Variants in VWA8 observed in about 807,000 individuals in gnomAD.
VWA8 encodes the protein von Willebrand factor A domain containing 8.
In VWA8, 221 loss-of-function variants were observed where a neutral mutation model predicts 241.5. That is an observed-to-expected ratio of 0.91 (90% confidence interval 0.82 to 1.02). The LOEUF (loss-of-function observed/expected upper bound fraction) is 1.02. Among genes scored for constraint, VWA8 ranks in the 50% least tolerant of loss-of-function variants. The pLI, the probability that VWA8 is intolerant of heterozygous loss-of-function variation, is 0.00. For missense variants in VWA8, 2,322 were observed against 2,328.7 expected (o/e 1.00, Z 0.06); for synonymous variants, 852 against 827.1 (o/e 1.03, Z -0.52).
intron 14 of VWA8, among the ~76,000 whole-genome samples, chr13:41,822,064 T>C (rs930641639): frequency 2.5e-4 from 38 of 152,144 alleles, no homozygotes; most frequent in African/African-American, 8.9e-4. Flanking sequence ...GGATTATAGA[T>C]AGATTCATTA....
At chr13:41,871,991 T>C (rs200395966) in intron 9 of VWA8, among the ~76,000 whole-genome samples, 28,790 of 152,034 alleles carry the variant, frequency 0.19, 3,486 homozygotes, top group East Asian at 0.37. Flanking sequence ...TTTTAATGAT[T>C]GCCATTCTAA....
At chr13:41,606,982 T>C (rs1403390363) in intron 39 of VWA8, among the ~76,000 whole-genome samples, 2 of 152,210 alleles carry the variant, frequency 1.3e-5, no homozygotes, top group African/African-American at 4.8e-5. Flanking sequence ...TGCCCTCTGT[T>C]ATGGTGTTTT....
intron 26 of VWA8, among the ~76,000 whole-genome samples, chr13:41,711,351 C>A (rs1280982599): frequency 6.6e-6 from 1 of 152,124 alleles, no homozygotes; most frequent in East Asian, 1.9e-4. Flanking sequence ...TCTGTTTGAA[C>A]CCAATCTACA....
intron 37 of VWA8, among the ~76,000 whole-genome samples, chr13:41,637,572 G>T (rs1050640880): frequency 9.9e-5 from 15 of 150,970 alleles, no homozygotes; most frequent in Non-Finnish European, 1.6e-4. Flanking sequence ...ATAAAAAAAA[G>T]AAATAAAAAA....
At chr13:41,768,292 G>A (rs901693860) in intron 20 of VWA8, among the ~76,000 whole-genome samples, 3 of 152,054 alleles carry the variant, frequency 2.0e-5, no homozygotes, top group African/African-American at 4.8e-5. Flanking sequence ...TATTTCTGAG[G>A]GTGCACAGTA....
At chr13:41,844,195 T>C (rs1031042695) in intron 12 of VWA8, among the ~76,000 whole-genome samples, 1 of 152,124 alleles carries the variant, frequency 6.6e-6, no homozygotes, top group African/African-American at 2.4e-5. Flanking sequence ...TGCAAATCAA[T>C]AAATATGATC....
At chr13:41,731,996 A>G in intron 22 of VWA8, 84 bp downstream of exon 22, 1 of 1,175,994 alleles carries the variant, frequency 8.5e-7, no homozygotes, top group Non-Finnish European at 1.2e-6. Flanking sequence ...TACGTAATCC[A>G]TGAGAGTTCC....
At chr13:41,932,563 C>T (rs996313656) in intron 2 of VWA8, among the ~76,000 whole-genome samples, 2 of 151,926 alleles carry the variant, frequency 1.3e-5, no homozygotes, top group African/African-American at 4.8e-5. Flanking sequence ...ACAAAATGTT[C>T]ACACACTGAG....
chr13:41,881,416 G>T (rs1027240865), intron 9 of VWA8, among the ~76,000 whole-genome samples: 7 of 99,120 alleles, frequency 7.1e-5, no homozygotes, highest in Non-Finnish European at 1.1e-4. Context: ...AACAGGATAA[G>T]AATTTTTCTT....
chr13:41,742,117 G>A (rs1257982047), intron 21 of VWA8, among the ~76,000 whole-genome samples: 2 of 152,198 alleles, frequency 1.3e-5, no homozygotes, highest in African/African-American at 4.8e-5. Context: ...GGCAGGCTAA[G>A]TCCAGAGTGT....
At chr13:41,908,053 T>G (rs1350379412) in intron 3 of VWA8, among the ~76,000 whole-genome samples, 1 of 152,234 alleles carries the variant, frequency 6.6e-6, no homozygotes, top group Non-Finnish European at 1.5e-5. Flanking sequence ...TAGCCATTTC[T>G]GTAAGTAATG....
rs1307083625 is a variant in VWA8 at position 41,816,700 on chromosome 13, T to C, written c.1945A>G (p.Thr649Ala). 3 of 1,613,402 alleles carry C rather than the reference T, an allele frequency of 1.9e-6. No individual in the cohort carries two copies. The highest frequency in any genetic ancestry group is 2.5e-6 in the Non-Finnish European group (3 of 1,179,578). The part of the protein sequence containing the change: ...THKLRETQDP[T>A]AQSLAASLST... ...CTGTGGAAAAAGCCTAGACTTACCG[T>C]TGGATCCTGTGTTTCTCTGAGTTTG... The change falls in exon 16 of 45, where the codon ACG becomes GCG. Residue 649 changes from threonine (T) to alanine (A), a missense_variant and splice_region_variant. Thr to Ala is a moderately conservative substitution (Grantham distance 58). Coordinates refer to ENST00000379310, the MANE Select transcript of VWA8 (RefSeq NM_015058.2).
chr13:41,618,622 T>C (rs529445704), intron 37 of VWA8, among the ~76,000 whole-genome samples: 1 of 152,344 alleles, frequency 6.6e-6, no homozygotes, highest in East Asian at 1.9e-4. Flanking sequence ...AACATTTAAG[T>C]CTTTAATCCA....
intron 35 of VWA8, among the ~76,000 whole-genome samples, chr13:41,680,749 T>C (rs35802139): frequency 0.063 from 9,575 of 152,218 alleles, 855 homozygotes; most frequent in African/African-American, 0.2. Context: ...CCTAAATATG[T>C]TCCCTACAGA....
chr13:41,680,999 G>T (rs187820165), intron 35 of VWA8, among the ~76,000 whole-genome samples: 111 of 152,298 alleles, frequency 7.3e-4, no homozygotes, highest in African/African-American at 2.6e-3. Context: ...CAACTCCGGG[G>T]CCTCTGTGTT....
At chr13:41,672,889 T>C (rs753097011) in intron 36 of VWA8, among the ~76,000 whole-genome samples, 4 of 152,198 alleles carry the variant, frequency 2.6e-5, no homozygotes, top group Non-Finnish European at 2.9e-5. Flanking sequence ...TTTGTAACTA[T>C]GTTGTTTGAA....
At position 41,676,228 on chromosome 13, in the gene VWA8, G is replaced by C. The variant is rs138251781; in HGVS notation, c.4328-932C>G. 8.9e-4 allele frequency among the ~76,000 whole-genome samples: 136 copies of C among 152,214 alleles called. 4 individuals are homozygous for C. The highest frequency in any genetic ancestry group is 3.1e-3 in the African/African-American group (130 of 41,534). ...CTTAATTTTAGGTGTCAGTTGGACCGATTATGGAATACCTAGAAACCTGGT... is the reference window on the plus strand; with the variant it reads ...CTTAATTTTAGGTGTCAGTTGGACCCATTATGGAATACCTAGAAACCTGGT... On this transcript the variant is annotated intron_variant, in intron 35 of 44. Coordinates refer to ENST00000379310, the MANE Select transcript of VWA8 (RefSeq NM_015058.2).
intron 18 of VWA8, among the ~76,000 whole-genome samples, chr13:41,784,733 C>CAT (rs1869092901): frequency 6.6e-5 from 3 of 45,354 alleles, no homozygotes; most frequent in Non-Finnish European, 1.1e-4. Context: ...TATATATACA[C>CAT]ACACATATAT....
intron 3 of VWA8, among the ~76,000 whole-genome samples, chr13:41,909,173 C>T (rs1181492969): frequency 1.4e-4 from 21 of 152,038 alleles, no homozygotes; most frequent in Admixed American, 1.4e-3. Context: ...GTGCCTCAGC[C>T]TCCAGAGTGG....
Sources: allele counts gnomAD v4.1 joint callset (sites outside exome capture counted in the v4.1 genomes callset), GRCh38; gene constraint gnomAD v4.1.1; transcripts MANE v1.5; gene names NCBI Gene and HGNC (gene_info 2026-07-23, HGNC 2026-07-21).